The following SRCAP variants were observed in gnomAD, a reference collection of about 807,000 sequenced individuals.
SRCAP encodes chromatin remodeling protein SRCAP.
A neutral mutation model predicts 263.1 loss-of-function variants in SRCAP; 46 were observed. The observed-to-expected ratio is 0.17, with a 90% CI of 0.14 to 0.22. The LOEUF (loss-of-function observed/expected upper bound fraction) is 0.22. SRCAP is among the 10% of genes least tolerant of loss of function. The pLI, the probability that SRCAP is intolerant of heterozygous loss-of-function variation, is 1.00. For missense variants in SRCAP, 3,695 were observed against 4,181.9 expected (o/e 0.88, Z 3.21); for synonymous variants, 1,813 against 1,662.1 (o/e 1.09, Z -2.21).
intron 31 of SRCAP, 126 bp downstream of exon 31, chr16:30,734,741 C>A: frequency 7.1e-7 from 1 of 1,417,508 alleles, no homozygotes; most frequent in Non-Finnish European, 9.6e-7. Flanking sequence ...TACAGTCAGC[C>A]TTTGATAGTT....
In SRCAP at chr16:30,724,181, C is replaced by T; in HGVS notation, c.4757C>T (p.Pro1586Leu). 2.5e-6 allele frequency: 4 copies of T among 1,614,186 alleles called. No homozygotes were observed. The highest frequency in any genetic ancestry group is 3.4e-6 in the Non-Finnish European group (4 of 1,180,028). The change falls in exon 25 of 34, where the codon CCT (proline) becomes CTT (leucine). Residue 1586 changes from proline to leucine, a missense_variant. This residue lies in a region of SRCAP where 1,347 missense variants were observed against 1,304.4 expected (regional missense o/e 1.03). Coordinates refer to ENST00000262518, the MANE Select transcript of SRCAP (RefSeq NM_006662.3). ...ASSASQALAT[P>L]LAPMAAPQTA... Reference sequence around the variant, plus strand: ...TCTGCATCTCAGGCTCTAGCCACCCCTCTGGCTCCTATGGCGGCTCCACAG... The same window carrying T: ...TCTGCATCTCAGGCTCTAGCCACCCTTCTGGCTCCTATGGCGGCTCCACAG...
rs1214019148 is a variant in SRCAP, at chr16:30,738,642, A to G, written c.8602A>G (p.Arg2868Gly). The G allele has an allele frequency of 1.2e-6, 2 of 1,609,054 alleles. No homozygotes were observed. The change falls in exon 34 of 34, where the codon AGG (arginine) becomes GGG (glycine). Residue 2868 changes from arginine (R) to glycine (G), a missense_variant. Arg to Gly is a moderately radical substitution (Grantham distance 125). Transcript: ENST00000262518. ...RRRGRPPKKN[R>G]SPADAGRGVD... ...GAGGGGGAGGCCCCCCAAGAAGAAC[A>G]GGTCTCCAGCAGATGCTGGGAGAGG...
intron 9 of SRCAP, 21 bp downstream of exon 9, chr16:30,710,868 C>T: frequency 1.2e-6 from 2 of 1,612,500 alleles, no homozygotes; most frequent in Non-Finnish European, 1.7e-6. Context: ...TTCGGTTTGT[C>T]CTATTGCCCC....
intron 26 of SRCAP, 54 bp downstream of exon 26, chr16:30,729,285 G>A (rs899764143): frequency 3.1e-5 from 50 of 1,598,948 alleles, no homozygotes; most frequent in Non-Finnish European, 4.1e-5. Flanking sequence ...CAGAGTGGAT[G>A]TAGTGCTTAG....
chr16:30,720,369 T>C (rs769926078), intron 19 of SRCAP, 38 bp downstream of exon 19: 2 of 1,589,488 alleles, frequency 1.3e-6, no homozygotes, highest in Non-Finnish European at 1.7e-6. Flanking sequence ...GTTCCTAGAA[T>C]AAGTGGCTGA....
At chr16:30,720,138 A>C in intron 18 of SRCAP, 24 bp from the exon 19 acceptor site, 3 of 1,596,158 alleles carry the variant, frequency 1.9e-6, no homozygotes, top group Non-Finnish European at 2.6e-6. Flanking sequence ...CTTCTTTATG[A>C]CTGTGCTTTC....
intron 18 of SRCAP, 61 bp downstream of exon 18, chr16:30,716,540 C>A: frequency 1.3e-6 from 2 of 1,487,262 alleles, no homozygotes; most frequent in South Asian, 1.3e-5. Flanking sequence ...AACCATGTAC[C>A]TCTTTTCGTT....
In SRCAP at chr16:30,729,140, C is replaced by T. The variant is rs1199646578; in HGVS notation, c.5833C>T (p.His1945Tyr). Residue 1945 changes from histidine to tyrosine, a missense_variant, in exon 26 of 34, where the codon CAC (histidine) becomes TAC (tyrosine). By Grantham distance (83) the His-to-Tyr change is moderately conservative (BLOSUM62 2). Transcript: ENST00000262518. ...PIGPRSPGPSHPTFWTYTEAA... is the reference protein window; with the variant it reads ...PIGPRSPGPSYPTFWTYTEAA... Reference sequence around the variant, plus strand: ...CGGCCCTCGTTCTCCTGGCCCCAGCCACCCCACCTTTTGGACTTATACCGA... The same window carrying T: ...CGGCCCTCGTTCTCCTGGCCCCAGCTACCCCACCTTTTGGACTTATACCGA... The T allele has an allele frequency of 6.2e-7, 1 of 1,614,192 alleles. No homozygotes were observed. Among genetic ancestry groups the T allele is most frequent in the South Asian group, 1.1e-5 (1 of 91,084 alleles).
intron 3 of SRCAP, 107 bp from the exon 4 acceptor site, chr16:30,703,957 C>A: frequency 7.4e-7 from 1 of 1,350,002 alleles, no homozygotes; most frequent in Non-Finnish European, 1.0e-6. Context: ...AGGTTTATAC[C>A]TTACTCTACA....
intron 23 of SRCAP, 86 bp downstream of exon 23, chr16:30,722,834 T>A: frequency 6.5e-7 from 1 of 1,547,994 alleles, no homozygotes; most frequent in Non-Finnish European, 8.7e-7. Flanking sequence ...CAGCCTTCCC[T>A]CAGTGTTGTT....
chr16:30,739,242 C>A lies in SRCAP; in HGVS notation c.9202C>A (p.Arg3068Ser), dbSNP rs766738104. The change falls in exon 34 of 34, where the codon CGC becomes AGC. Residue 3068 changes from arginine (R) to serine (S), a missense_variant. Physicochemically the swap from Arg to Ser is moderately radical, Grantham distance 110. Around this residue, in one of 12 missense-constraint regions of SRCAP, gnomAD observed 1,207 missense variants for 1,142.9 expected, o/e 1.06. Transcript: ENST00000262518. ...AAGCCGCCCCCTCACCCGCCTGGCC[C>A]GCCTTCGGCTTGAAGCAGAAGGAAT... is the stretch of plus-strand genomic sequence containing the variant. ...DGSRPLTRLA[R>S]LRLEAEGMRG... The A allele has an allele frequency of 6.2e-7, 1 of 1,613,662 alleles. No homozygotes were observed. Among genetic ancestry groups the A allele is most frequent in the Non-Finnish European group, 8.5e-7 (1 of 1,180,018 alleles).
intron 18 of SRCAP, among the ~76,000 whole-genome samples, chr16:30,717,650 G>C (rs2052965609): frequency 8.4e-6 from 1 of 118,576 alleles, no homozygotes; most frequent in Non-Finnish European, 1.6e-5. Context: ...GTCTCGCTCT[G>C]TCCTCAGGCT....
chr16:30,720,708 C>G lies in SRCAP; in HGVS notation c.2988-5C>G. On this transcript the variant is annotated splice_region_variant and splice_polypyrimidine_tract_variant and intron_variant, in intron 19 of 33. Coordinates refer to ENST00000262518, the MANE Select transcript of SRCAP (RefSeq NM_006662.3). Reference sequence around the variant, plus strand: ...CCTACCCACTCTCTTAATTTTTTCTCACAGGATGCTGCAGCCAGTACCTAA... The same window carrying G: ...CCTACCCACTCTCTTAATTTTTTCTGACAGGATGCTGCAGCCAGTACCTAA... The G allele has an allele frequency of 6.3e-7, 1 of 1,581,762 alleles. No individual in the cohort carries two copies. Among genetic ancestry groups the G allele is most frequent in the Non-Finnish European group, 8.6e-7 (1 of 1,161,898 alleles).
rs774753015 is a variant in SRCAP, at chr16:30,737,948, G to T, written c.7908G>T (p.Leu2636=). Residue 2636 remains leucine (L), a synonymous_variant, in exon 34 of 34, where the codon CTG becomes CTT. Transcript: ENST00000262518. ...CTGAGGGGACCACCCTTACAGTGCT[G>T]CCTGAAGGTGAGGAGTTGCCCCTGT... ...DSAEGTTLTV[L]PEGEELPLCV... 4 of 1,614,150 alleles carry T rather than the reference G, an allele frequency of 2.5e-6. No individual in the cohort carries two copies. The highest frequency in any genetic ancestry group is 2.5e-6 in the Non-Finnish European group (3 of 1,180,034).
intron 6 of SRCAP, 126 bp downstream of exon 6, chr16:30,707,838 G>A (rs896158848): frequency 1.6e-6 from 2 of 1,268,726 alleles, no homozygotes; most frequent in Middle Eastern, 3.9e-4. Flanking sequence ...TGACGTTTAT[G>A]TTGTATGGAT....
Position 30,709,925 on chromosome 16 carries a change from G to A in SRCAP, c.931G>A (p.Gly311Ser), listed in dbSNP as rs763580239. The change falls in exon 8 of 34, where the codon GGC becomes AGC. Residue 311 changes from glycine to serine, a missense_variant. Physicochemically the swap from Gly to Ser is moderately conservative, Grantham distance 56. Transcript: ENST00000262518. ...ETIEVEEQQEGNDAEAQRREI... is the reference protein window; with the variant it reads ...ETIEVEEQQESNDAEAQRREI... ...GATTGAAGTTGAAGAACAACAGGAAGGCAATGATGCAGAGGCCCAGAGGCG... is the reference window on the plus strand; with the variant it reads ...GATTGAAGTTGAAGAACAACAGGAAAGCAATGATGCAGAGGCCCAGAGGCG... 1 of 1,614,094 alleles carries A rather than the reference G, an allele frequency of 6.2e-7. No individual in the cohort carries two copies. Among genetic ancestry groups the A allele is most frequent in the African/African-American group, 1.3e-5 (1 of 74,924 alleles).
chr16:30,700,641 G>A lies in SRCAP; in HGVS notation c.-184G>A, dbSNP rs967379685. ...GTGCTCCAGAGGCTGGTGGACCTGA[G>A]CGGAGGCTGGGACGCCCTGGTGGGC... On this transcript the variant is annotated 5_prime_UTR_variant, in exon 3 of 34. Transcript: ENST00000262518. The A allele has an allele frequency of 6.2e-5, 30 of 480,466 alleles. No homozygotes were observed. The highest frequency in any genetic ancestry group is 1.1e-4 in the Non-Finnish European group (30 of 267,702). The allele number at this position is 480,466 out of a possible 1,614,324, so 29.8% of individuals were successfully genotyped here.
intron 26 of SRCAP, 63 bp downstream of exon 26, chr16:30,729,294 A>G: frequency 6.2e-7 from 1 of 1,602,940 alleles, no homozygotes; most frequent in Non-Finnish European, 8.5e-7. Context: ...TGTAGTGCTT[A>G]GGGCTGGTGA....
intron 23 of SRCAP, 61 bp from the exon 24 acceptor site, chr16:30,722,902 T>C: frequency 6.4e-7 from 1 of 1,560,080 alleles, no homozygotes. Flanking sequence ...CTGGACTTCT[T>C]CCATTCTTTG....
Sources: gnomAD v4.1 joint callset for allele counts (sites outside exome capture counted in the v4.1 genomes callset) on GRCh38, gnomAD v4.1.1 for gene constraint, gnomAD v4.1.1 regional missense constraint, MANE v1.5 for transcripts, NCBI Gene and HGNC (gene_info 2026-07-23, HGNC 2026-07-21) for gene names.